The following JARID2 variants were observed in gnomAD, a reference collection of about 807,000 sequenced individuals.
JARID2 encodes the protein protein Jumonji.
In JARID2, 21 loss-of-function variants were observed where a neutral mutation model predicts 125.6. That is an observed-to-expected ratio of 0.17 (90% CI 0.12 to 0.24). The LOEUF is 0.24. JARID2 is among the 10% of genes least tolerant of loss of function. The pLI, the probability that JARID2 is intolerant of heterozygous loss-of-function variation, is 1.00. For missense variants in JARID2, 1,303 were observed against 1,639.6 expected, an observed-to-expected ratio of 0.79 and a Z score of 3.55; for synonymous variants, 736 against 661.6, an observed-to-expected ratio of 1.11 and a Z score of -1.73.
intron 5 of JARID2, among the ~76,000 whole-genome samples, chr6:15,478,842 C>T (rs1229499658): frequency 6.6e-6 from 1 of 151,822 alleles, no homozygotes; most frequent in African/African-American, 2.4e-5. Context: ...GCTAATTTTT[C>T]TACTTTTAGT....
intron 1 of JARID2, among the ~76,000 whole-genome samples, chr6:15,329,212 C>T (rs1171420445): frequency 1.3e-5 from 2 of 151,546 alleles, no homozygotes; most frequent in African/African-American, 4.9e-5. Context: ...TTTGGTATCA[C>T]CCCAAGCCTG....
At chr6:15,347,710 A>G (rs1267400758) in intron 1 of JARID2, among the ~76,000 whole-genome samples, 1 of 152,182 alleles carries the variant, frequency 6.6e-6, no homozygotes, top group Non-Finnish European at 1.5e-5. Flanking sequence ...CCTTTACTGG[A>G]CAAGGAAGTA....
chr6:15,364,960 C>T (rs1190742465), intron 1 of JARID2, among the ~76,000 whole-genome samples: 4 of 152,004 alleles, frequency 2.6e-5, no homozygotes, highest in South Asian at 4.2e-4. Flanking sequence ...CTGTATTAGA[C>T]GGTGCAGATT....
intron 3 of JARID2, among the ~76,000 whole-genome samples, chr6:15,426,390 G>T (rs1411677393): frequency 6.6e-6 from 1 of 152,168 alleles, no homozygotes; most frequent in Admixed American, 6.5e-5. Flanking sequence ...AGGCAAGATG[G>T]TTAGTTGATA....
In JARID2 at chr6:15,246,525, C is replaced by T. The variant is rs1759188726; in HGVS notation, c.-15C>T. Reference sequence around the variant, plus strand: ...AGCAATTGTCCCCTTTTGCAATCAGCATTTGGATCTCAGAATGAGCAAGGA... The same window carrying T: ...AGCAATTGTCCCCTTTTGCAATCAGTATTTGGATCTCAGAATGAGCAAGGA... On this transcript the variant is annotated 5_prime_UTR_variant, in exon 1 of 18. Coordinates refer to ENST00000341776, the MANE Select transcript of JARID2 (RefSeq NM_004973.4). 1 of 1,611,604 alleles carries T rather than the reference C, an allele frequency of 6.2e-7. No individual in the cohort carries two copies. The highest frequency in any genetic ancestry group is 8.5e-7 in the Non-Finnish European group (1 of 1,178,068).
chr6:15,306,336 T>C lies in JARID2; in HGVS notation c.45+59752T>C, dbSNP rs960022624. Among the ~76,000 whole-genome samples the C allele has an allele frequency of 2.6e-4, 38 of 144,528 alleles. 1 individual carries two copies. The highest frequency in any genetic ancestry group is 8.7e-4 in the African/African-American group (34 of 39,038). The allele number at this position is 144,528 out of a possible 152,430, so 94.8% of individuals were successfully genotyped here. Reference sequence around the variant, plus strand: ...ACAACATAGTCATATTTCTTTTTTTTTTTTTTTTTTTTTTTGAGACGGAGT... The same window carrying C: ...ACAACATAGTCATATTTCTTTTTTTCTTTTTTTTTTTTTTTGAGACGGAGT... On this transcript the variant is annotated intron_variant, in intron 1 of 17. Transcript: ENST00000341776.
chr6:15,475,550 C>T (rs550374627), intron 5 of JARID2, among the ~76,000 whole-genome samples: 234 of 152,336 alleles, frequency 1.5e-3, no homozygotes, highest in Non-Finnish European at 2.5e-3. Context: ...ACTAGCCCCA[C>T]ATTGTGCCAT....
chr6:15,288,373 C>T (rs1341361860), intron 1 of JARID2, among the ~76,000 whole-genome samples: 3 of 152,152 alleles, frequency 2.0e-5, no homozygotes, highest in Non-Finnish European at 2.9e-5. Flanking sequence ...CTCTCATTCA[C>T]GATTGCTAGG....
intron 1 of JARID2, chr6:15,369,451 T>G (rs946601023): frequency 3.3e-6 from 1 of 300,028 alleles, no homozygotes; most frequent in South Asian, 2.8e-5. Flanking sequence ...GGCGTATTCC[T>G]GTGTCCTCTA....
intron 1 of JARID2, among the ~76,000 whole-genome samples, chr6:15,278,528 G>A (rs1174388658): frequency 2.6e-5 from 4 of 152,128 alleles, no homozygotes; most frequent in Non-Finnish European, 4.4e-5. Context: ...GGAGCTTGCA[G>A]TGAGCCGAGA....
chr6:15,262,779 C>T (rs1444261995), intron 1 of JARID2, among the ~76,000 whole-genome samples: 7 of 152,064 alleles, frequency 4.6e-5, no homozygotes, highest in Admixed American at 3.3e-4. Flanking sequence ...CCACCCGCCT[C>T]GGCCACCCAA....
At chr6:15,252,755 C>T (rs940921220) in intron 1 of JARID2, among the ~76,000 whole-genome samples, 1 of 151,284 alleles carries the variant, frequency 6.6e-6, no homozygotes, top group Non-Finnish European at 1.5e-5. Context: ...AATTATCTTT[C>T]GTTTTTTTTC....
At chr6:15,301,639 T>C (rs1241420232) in intron 1 of JARID2, among the ~76,000 whole-genome samples, 1 of 152,204 alleles carries the variant, frequency 6.6e-6, no homozygotes, top group African/African-American at 2.4e-5. Context: ...GTAGTTTTTG[T>C]GGGGTAAGTC....
At chr6:15,462,457 A>G (rs1443122148) in intron 4 of JARID2, among the ~76,000 whole-genome samples, 2 of 152,224 alleles carry the variant, frequency 1.3e-5, no homozygotes, top group Admixed American at 1.3e-4. Context: ...GTGCTGATAC[A>G]TACATACGTA....
chr6:15,364,553 TC>T (rs1028445630), intron 1 of JARID2, among the ~76,000 whole-genome samples: 10 of 152,238 alleles, frequency 6.6e-5, no homozygotes, highest in African/African-American at 2.4e-4. Context: ...TGGAACCACT[TC>T]CAACCTGGAG....
rs1300839551 is a variant in JARID2, at chr6:15,352,229, G to A, written c.46-21888G>A. 2.0e-5 allele frequency among the ~76,000 whole-genome samples: 3 copies of A among 152,022 alleles called. No homozygotes were observed. In the East Asian group the frequency reaches 5.8e-4, roughly 29 times the overall value. ...AATATTAAAGGCTGCTAAAATCTGA[G>A]CCATCATGCTTAGCTGAGATTCCTG... On this transcript the variant is annotated intron_variant, in intron 1 of 17. Coordinates refer to ENST00000341776, the MANE Select transcript of JARID2 (RefSeq NM_004973.4).
At chr6:15,444,939 GTCCCCCTTGC>G (rs1767609945) in intron 3 of JARID2, among the ~76,000 whole-genome samples, 1 of 151,910 alleles carries the variant, frequency 6.6e-6, no homozygotes, top group Non-Finnish European at 1.5e-5. Flanking sequence ...AAGCCGCCTG[GTCCCCCTTGC>G]TCCTGCTTGA....
intron 1 of JARID2, among the ~76,000 whole-genome samples, chr6:15,350,160 G>C (rs1278520000): frequency 1.3e-5 from 2 of 152,140 alleles, no homozygotes; most frequent in African/African-American, 2.4e-5. Flanking sequence ...CATCAAGCTT[G>C]AGGCTGTGAC....
Position 15,246,516 on chromosome 6 carries a change from T to G in JARID2, c.-24T>G, listed in dbSNP as rs1741994576. 2 of 1,608,808 alleles carry G rather than the reference T, an allele frequency of 1.2e-6. No individual in the cohort carries two copies. The highest frequency in any genetic ancestry group is 1.1e-5 in the South Asian group (1 of 90,416). The stretch of plus-strand genomic sequence containing the variant: ...AATTCATGAAGCAATTGTCCCCTTT[T>G]GCAATCAGCATTTGGATCTCAGAAT... On this transcript the variant is annotated 5_prime_UTR_variant, in exon 1 of 18. Transcript: ENST00000341776.
Sources: gnomAD v4.1 joint callset for allele counts (sites outside exome capture counted in the v4.1 genomes callset) on GRCh38, gnomAD v4.1.1 for gene constraint, MANE v1.5 for transcripts, NCBI Gene and HGNC (gene_info 2026-07-23, HGNC 2026-07-21) for gene names.